SETD5: variants seen among roughly 807,000 people sequenced by gnomAD.
SETD5 encodes histone-lysine N-methyltransferase SETD5.
SETD5 carries 44 observed loss-of-function variants against 153.3 expected under a neutral mutation model. The ratio of observed to expected loss-of-function variants is 0.29; its 90% CI spans 0.23 to 0.37. The LOEUF (loss-of-function observed/expected upper bound fraction) is 0.37, where lower values mean the gene tolerates loss of function less well. SETD5 is among the 10% of genes least tolerant of loss of function. The pLI, the probability that SETD5 is intolerant of heterozygous loss-of-function variation, is 1.00. For missense variants in SETD5, 1,544 were observed against 1,768.0 expected, an observed-to-expected ratio of 0.87 and a Z score of 2.27; for synonymous variants, 716 against 645.2, an observed-to-expected ratio of 1.11 and a Z score of -1.66.
chr3:9,438,439 C>T (rs775909616), intron 7 of SETD5, among the ~76,000 whole-genome samples: 2 of 152,162 alleles, frequency 1.3e-5, no homozygotes, highest in Non-Finnish European at 2.9e-5. Context: ...AAGCTATAAA[C>T]TGGCTCTACC....
At chr3:9,442,285 C>T in intron 10 of SETD5, 40 bp downstream of exon 10, 1 of 1,367,482 alleles carries the variant, frequency 7.3e-7, no homozygotes, top group African/African-American at 1.4e-5. Context: ...CTGGAACCAT[C>T]AAATGACAAG....
intron 1 of SETD5, among the ~76,000 whole-genome samples, chr3:9,406,713 G>C (rs983100320): frequency 6.6e-6 from 1 of 151,760 alleles, no homozygotes; most frequent in Admixed American, 6.6e-5. Context: ...AGTGTTATTT[G>C]TGGCAAATAG....
rs768568151 is a variant in SETD5 at position 9,435,903 on chromosome 3, C to T, written c.564C>T (p.Ile188=). ...KGRAAPKTKK[I]KNSPSEAQNL... ...GTGCAGCACCAAAGACGAAGAAAAT[C>T]AAGGTATGCAGGGTAAAAATATCTT... is the stretch of plus-strand genomic sequence containing the variant. The change falls in exon 7 of 23, where the codon ATC becomes ATT. Residue 188 remains isoleucine (I), a synonymous_variant. Transcript: ENST00000402198. The T allele has an allele frequency of 1.3e-6, 2 of 1,577,472 alleles. No individual in the cohort carries two copies. The highest frequency in any genetic ancestry group is 2.3e-5 in the South Asian group (2 of 85,684).
At chr3:9,412,397 T>C (rs952271176) in intron 1 of SETD5, among the ~76,000 whole-genome samples, 1 of 139,190 alleles carries the variant, frequency 7.2e-6, no homozygotes, top group African/African-American at 2.7e-5. Context: ...GTTTTTTTTT[T>C]TTTTTTTTTT....
intron 18 of SETD5, among the ~76,000 whole-genome samples, chr3:9,469,627 C>T (rs78119175): frequency 0.037 from 5,629 of 152,204 alleles, 210 homozygotes; most frequent in Admixed American, 0.097. Context: ...TCTAAGATAA[C>T]GTAATTTGAA....
intron 19 of SETD5, among the ~76,000 whole-genome samples, chr3:9,471,210 T>C (rs1316723924): frequency 1.3e-5 from 2 of 152,238 alleles, no homozygotes; most frequent in South Asian, 2.1e-4. Context: ...TGTCCCAAGT[T>C]CGAGGCACTG....
At chr3:9,430,076 T>C in intron 3 of SETD5, 1 of 1,056,384 alleles carries the variant, frequency 9.5e-7, no homozygotes, top group Non-Finnish European at 1.2e-6. Context: ...AATTCCCCTG[T>C]TTCTCTTGCC....
intron 1 of SETD5, among the ~76,000 whole-genome samples, chr3:9,419,398 A>G (rs773801200): frequency 2.7e-4 from 41 of 152,100 alleles, no homozygotes; most frequent in Non-Finnish European, 5.1e-4. Context: ...CATAGCACCA[A>G]TTGGTACTTA....
chr3:9,441,789 G>T, intron 9 of SETD5, 48 bp downstream of exon 9: 1 of 1,609,948 alleles, frequency 6.2e-7, no homozygotes, highest in South Asian at 1.1e-5. Flanking sequence ...GGACCTGGTT[G>T]ACCAGTGTTG....
intron 17 of SETD5, among the ~76,000 whole-genome samples, chr3:9,459,714 CAAAA>C (rs386395917): frequency 7.7e-5 from 6 of 78,286 alleles, no homozygotes; most frequent in Non-Finnish European, 1.1e-4. Context: ...GAGACTCCAT[CAAAA>C]AAAAAAAAAA....
chr3:9,397,616 G>C lies in SETD5; in HGVS notation c.-538G>C, dbSNP rs1664645064. Reference sequence around the variant, plus strand: ...GGCGCTGGGAATCCCCGTGCGGTCAGTGGCGTTTCCGCTCGGGCAGCGGGC... The same window carrying C: ...GGCGCTGGGAATCCCCGTGCGGTCACTGGCGTTTCCGCTCGGGCAGCGGGC... On this transcript the variant is annotated 5_prime_UTR_variant, in exon 1 of 23. Transcript: ENST00000402198. 5.7e-6 allele frequency: 1 copy of C among 173,926 alleles called. No individual in the cohort carries two copies. Among genetic ancestry groups the C allele is most frequent in the African/African-American group, 2.4e-5 (1 of 41,646 alleles). The allele number at this position is 173,926 out of a possible 1,614,324, so 10.8% of individuals were successfully genotyped here. A position where few individuals can be genotyped will look rare whatever the true frequency, so the allele number is the denominator to read the frequency against.
chr3:9,424,668 T>C (rs1419903125), intron 2 of SETD5, 142 bp downstream of exon 2: 2 of 152,250 alleles, frequency 1.3e-5, no homozygotes, highest in Admixed American at 1.3e-4. Flanking sequence ...GTTATTGTTT[T>C]GGCCATTGAA....
intron 1 of SETD5, among the ~76,000 whole-genome samples, chr3:9,398,971 C>A (rs1006339173): frequency 6.6e-6 from 1 of 152,212 alleles, no homozygotes; most frequent in Non-Finnish European, 1.5e-5. Flanking sequence ...TCTCATGTTA[C>A]TTGTGCAATG....
Position 9,475,542 on chromosome 3 carries a change from C to G in SETD5, c.3780C>G (p.Ser1260=), listed in dbSNP as rs1460821537. Reference sequence around the variant, plus strand: ...AAAGCCTCCTTCAGCAGAGTTCCTCCCCCTTCAGAGGACATCCTACACAGT... The same window carrying G: ...AAAGCCTCCTTCAGCAGAGTTCCTCGCCCTTCAGAGGACATCCTACACAGT... ...ESQSLLQQSS[S]PFRGHPTQSP... is the part of the protein sequence containing the mutation. Residue 1260 remains serine (S), a synonymous_variant, in exon 23 of 23, where the codon TCC becomes TCG. Transcript: ENST00000402198. 2 of 1,613,898 alleles carry G rather than the reference C, an allele frequency of 1.2e-6. No individual in the cohort carries two copies. Among genetic ancestry groups the G allele is most frequent in the Non-Finnish European group, 1.7e-6 (2 of 1,179,864 alleles).
Position 9,476,057 on chromosome 3 carries a change from G to T in SETD5, c.4295G>T (p.Gly1432Val), listed in dbSNP as rs780221808. 3.1e-6 allele frequency: 5 copies of T among 1,613,740 alleles called. No homozygotes were observed. The Admixed American group carries it at 5.0e-5, about 16-fold the overall frequency. Residue 1432 changes from glycine to valine, a missense_variant, in exon 23 of 23, where the codon GGG becomes GTG. Transcript: ENST00000402198. ...CAGTACCGACTCCAGCCACTGCAAG[G>T]GTCAGGAGTCAAGACTCAGACGGGA... ...VHQYRLQPLQ[G>V]SGVKTQTGLS
At chr3:9,426,830 A>C (rs913552658) in intron 2 of SETD5, among the ~76,000 whole-genome samples, 1 of 152,140 alleles carries the variant, frequency 6.6e-6, no homozygotes, top group Non-Finnish European at 1.5e-5. Context: ...GAGCCACTTC[A>C]TCTGGCCCAG....
Position 9,397,678 on chromosome 3 carries a change from CGCCGCCGCTGCCGGGGGAGGGGCG to C in SETD5, c.-467_-444del. On this transcript the variant is annotated 5_prime_UTR_variant, in exon 1 of 23. Coordinates refer to ENST00000402198, the MANE Select transcript of SETD5 (RefSeq NM_001080517.3). ...CCGCCGCCGCCGCCGCCGCCGCCGC[CGCCGCCGCTGCCGGGGGAGGGGCG>C]GCCGCCGCCCGCCTGCGCTCAGAGA... 5.5e-6 allele frequency: 1 copy of C among 180,482 alleles called. No homozygotes were observed. The highest frequency in any genetic ancestry group is 1.1e-5 in the Non-Finnish European group (1 of 91,444). 11.2% of individuals were successfully genotyped at this position (180,482 alleles called of 1,614,324 possible).
intron 16 of SETD5, 119 bp from the exon 17 acceptor site, chr3:9,453,620 C>A: frequency 2.2e-6 from 2 of 891,762 alleles, no homozygotes; most frequent in Non-Finnish European, 3.2e-6. Context: ...AAATGCTTGA[C>A]TGTGTAACTG....
At chr3:9,445,988 T>TTTTTTTTTTTTTTTTTTTTTTTA (rs1260243657) in intron 13 of SETD5, among the ~76,000 whole-genome samples, 1 of 145,620 alleles carries the variant, frequency 6.9e-6, no homozygotes, top group Admixed American at 6.8e-5. Context: ...TTTTTTTTTT[T>TTTTTTTTTTTTTTTTTTTTTTTA]ACTAACAATC....
Sources: allele counts gnomAD v4.1 joint callset (sites outside exome capture counted in the v4.1 genomes callset), GRCh38; gene constraint gnomAD v4.1.1; transcripts MANE v1.5; gene names NCBI Gene and HGNC (gene_info 2026-07-23, HGNC 2026-07-21).